TDRD1: variants seen among roughly 807,000 people sequenced by gnomAD.
TDRD1 encodes the protein tudor domain containing 1.
TDRD1 carries 37 observed loss-of-function variants against 140.6 expected under a neutral mutation model. The observed-to-expected ratio is 0.26, with a 90% CI of 0.20 to 0.35. The LOEUF (loss-of-function observed/expected upper bound fraction) is 0.35, where lower values mean the gene tolerates loss of function less well. Ranked by LOEUF, TDRD1 falls within the 10% of genes least tolerant of loss-of-function variation. The probability of loss-of-function intolerance (pLI) is 1.00; values close to 1 mark genes in which losing one functional copy is unlikely to be tolerated. For synonymous variants in TDRD1, 506 were observed against 475.7 expected, an observed-to-expected ratio of 1.06 and a Z score of -0.83; for missense variants, 1,243 against 1,393.0, an observed-to-expected ratio of 0.89 and a Z score of 1.71.
chr10:114,192,091 A>G (rs1272020130), intron 3 of TDRD1, among the ~76,000 whole-genome samples: 3 of 148,572 alleles, frequency 2.0e-5, no homozygotes, highest in African/African-American at 5.0e-5. Flanking sequence ...AGTTCTTTAT[A>G]TATTTCAGAT....
upstream of TDRD1, among the ~76,000 whole-genome samples, chr10:114,177,303 A>G (rs959952794): frequency 1.3e-5 from 2 of 152,208 alleles, no homozygotes; most frequent in Non-Finnish European, 2.9e-5. Flanking sequence ...AAAAAAGAAT[A>G]TAGTAGAAAG....
chr10:114,217,040 A>G (rs1296856034), intron 16 of TDRD1, among the ~76,000 whole-genome samples: 1 of 152,144 alleles, frequency 6.6e-6, no homozygotes, highest in Non-Finnish European at 1.5e-5. Flanking sequence ...TTGGTTGCCT[A>G]ATTTCATAAT....
chr10:114,187,964 G>A (rs762150265), exon 2 of TDRD1: 2 of 1,614,076 alleles, frequency 1.2e-6, no homozygotes, highest in Admixed American at 3.3e-5. Flanking sequence ...AAGAAGTCCT[G>A]GAACACTTCC....
At chr10:114,197,909 G>C (rs866108045) in intron 3 of TDRD1, among the ~76,000 whole-genome samples, 3 of 152,088 alleles carry the variant, frequency 2.0e-5, no homozygotes, top group South Asian at 2.1e-4. Context: ...GCCCACCTCA[G>C]CCTCCCAAAG....
At chr10:114,228,182 T>C in intron 25 of TDRD1, 1 of 1,508,740 alleles carries the variant, frequency 6.6e-7, no homozygotes, top group Non-Finnish European at 8.8e-7. Flanking sequence ...ATAGGACATC[T>C]TCAGGCATAT....
At chr10:114,219,938 A>C (rs940438326) in intron 18 of TDRD1, among the ~76,000 whole-genome samples, 1 of 152,140 alleles carries the variant, frequency 6.6e-6, no homozygotes, top group African/African-American at 2.4e-5. Context: ...TGCTGCTTAA[A>C]TTATGGCCCC....
Position 114,189,361 on chromosome 10 carries a change from T to C in TDRD1, c.325+1205T>C, listed in dbSNP as rs1056000727. On this transcript the variant is annotated intron_variant, in intron 2 of 25. Transcript: ENST00000251864. Reference sequence around the variant, plus strand: ...AAACTCTCTTCTTGGAACATACTTTTTACTTGAAAAGATGGACACTGGTTA... The same window carrying C: ...AAACTCTCTTCTTGGAACATACTTTCTACTTGAAAAGATGGACACTGGTTA... 3.9e-5 allele frequency among the ~76,000 whole-genome samples: 6 copies of C among 152,206 alleles called. No individual in the cohort carries two copies. The East Asian group carries it at 1.2e-3, about 29-fold the overall frequency.
At chr10:114,201,439 A>G (rs763568971) in exon 5 of TDRD1, 1 of 1,614,004 alleles carries the variant, frequency 6.2e-7, no homozygotes, top group Non-Finnish European at 8.5e-7. Context: ...GTGCAAGCAG[A>G]CCTACTATTG....
intron 21 of TDRD1, among the ~76,000 whole-genome samples, chr10:114,225,132 T>C (rs2036359760): frequency 6.6e-6 from 1 of 152,232 alleles, no homozygotes; most frequent in Admixed American, 6.5e-5. Flanking sequence ...CTCCAGTCCA[T>C]GCCCTCTGTG....
intron 18 of TDRD1, 103 bp from the exon 19 acceptor site, chr10:114,220,465 C>T: frequency 2.7e-6 from 2 of 740,238 alleles, no homozygotes; most frequent in Non-Finnish European, 4.6e-6. Context: ...CTGAGAATTG[C>T]TGACCTGAAA....
chr10:114,218,632 A>G lies in TDRD1; in HGVS notation c.2494+48A>G, dbSNP rs868246293. 6 of 1,337,178 alleles carry G rather than the reference A, an allele frequency of 4.5e-6. No individual in the cohort carries two copies. In the African/African-American group the frequency reaches 5.8e-5, roughly 13 times the overall value. The allele number at this position is 1,337,178 out of a possible 1,614,324, so 82.8% of individuals were successfully genotyped here. A position where few individuals can be genotyped will look rare whatever the true frequency, so the allele number is the denominator to read the frequency against. On this transcript the variant is annotated intron_variant, in intron 18 of 25. Transcript: ENST00000251864. ...TTCTCAACTTTCTAATACTTGGGGCATATAATCCAAGTGTTAATATCTACA... is the reference window on the plus strand; with the variant it reads ...TTCTCAACTTTCTAATACTTGGGGCGTATAATCCAAGTGTTAATATCTACA...
At chr10:114,227,864 TTTACA>T (rs1428597396) in intron 23 of TDRD1, 41 bp from the exon 24 acceptor site, 1 of 1,535,794 alleles carries the variant, frequency 6.5e-7, no homozygotes, top group Admixed American at 1.7e-5. Flanking sequence ...GTTTTTCTTC[TTTACA>T]TTATGTGTTA....
At chr10:114,223,419 C>G (rs1432579094) in intron 21 of TDRD1, among the ~76,000 whole-genome samples, 2 of 152,232 alleles carry the variant, frequency 1.3e-5, no homozygotes, top group Non-Finnish European at 2.9e-5. Context: ...AAGAGCCTTC[C>G]TCAATCTTGG....
intron 23 of TDRD1, 58 bp downstream of exon 23, chr10:114,227,357 C>A: frequency 8.0e-7 from 1 of 1,244,596 alleles, no homozygotes; most frequent in South Asian, 1.3e-5. Flanking sequence ...AACAGATAAT[C>A]AATTTAGTTG....
chr10:114,204,755 G>C, exon 10 of TDRD1: 1 of 1,597,570 alleles, frequency 6.3e-7, no homozygotes, highest in Non-Finnish European at 8.5e-7. Flanking sequence ...TGTTATCCCA[G>C]CAGAAGGGAA....
At chr10:114,225,090 T>C (rs2036357538) in intron 21 of TDRD1, among the ~76,000 whole-genome samples, 1 of 152,196 alleles carries the variant, frequency 6.6e-6, no homozygotes, top group African/African-American at 2.4e-5. Context: ...CTGCCAGTGT[T>C]AAACTCTCCC....
chr10:114,211,007 A>G (rs773718857), intron 13 of TDRD1, 40 bp downstream of exon 13: 1 of 1,484,846 alleles, frequency 6.7e-7, no homozygotes, highest in Admixed American at 1.9e-5. Context: ...ATTTATTTTT[A>G]TTTATTTTTT....
intron 11 of TDRD1, among the ~76,000 whole-genome samples, chr10:114,207,118 T>A (rs2035173361): frequency 6.6e-6 from 1 of 152,264 alleles, no homozygotes; most frequent in Non-Finnish European, 1.5e-5. Context: ...TTTTACTTCC[T>A]CATTGCCTAA....
intron 25 of TDRD1, chr10:114,228,133 A>C (rs761203535): frequency 1.3e-6 from 2 of 1,575,758 alleles, no homozygotes; most frequent in Non-Finnish European, 1.7e-6. Flanking sequence ...AAAGTTAAGT[A>C]AGTTAAATCG....
Sources: gnomAD v4.1 joint callset for allele counts (sites outside exome capture counted in the v4.1 genomes callset) on GRCh38, gnomAD v4.1.1 for gene constraint, MANE v1.5 for transcripts, NCBI Gene and HGNC (gene_info 2026-07-23, HGNC 2026-07-21) for gene names.